Variants in ZSCAN32 observed in about 807,000 individuals in gnomAD.
The protein encoded by ZSCAN32 is zinc finger and SCAN domain-containing protein 32.
In ZSCAN32, 52 loss-of-function variants were observed where a neutral mutation model predicts 47.4. The ratio of observed to expected loss-of-function variants is 1.10; its 90% CI spans 0.88 to 1.38. The LOEUF is 1.38. Among genes scored for constraint, ZSCAN32 ranks in the 40% most tolerant of loss-of-function variants. The pLI is 0.00. For synonymous variants in ZSCAN32, 346 were observed against 305.7 expected (o/e 1.13, Z -1.38); for missense variants, 959 against 846.0 (o/e 1.13, Z -1.66).
In ZSCAN32 at chr16:3,393,653, T is replaced by G; in HGVS notation, c.528A>C (p.Ser176=). The G allele has an allele frequency of 6.5e-7, 1 of 1,546,616 alleles. No individual in the cohort carries two copies. The highest frequency in any genetic ancestry group is 8.7e-7 in the Non-Finnish European group (1 of 1,145,044). Reference sequence around the variant, plus strand: ...AGGACAGAGGCTTCTGCTTACCTTCTGACTGTTCCCCTGGTCTTTGGTGTG... The same window carrying G: ...AGGACAGAGGCTTCTGCTTACCTTCGGACTGTTCCCCTGGTCTTTGGTGTG... ...QSSHQRPGEQ[S]EAWLAPQAPR... Residue 176 remains serine (S), a synonymous_variant, in exon 3 of 7, where the codon TCA becomes TCC. Coordinates refer to ENST00000396852, the MANE Select transcript of ZSCAN32 (RefSeq NM_001284527.2).
Position 3,393,676 on chromosome 16 carries a change from G to A in ZSCAN32, c.505C>T (p.His169Tyr). The A allele has an allele frequency of 1.9e-6, 3 of 1,549,146 alleles. No individual in the cohort carries two copies. The highest frequency in any genetic ancestry group is 4.9e-5 in the East Asian group (2 of 40,878). Residue 169 changes from histidine to tyrosine, a missense_variant, in exon 3 of 7, where the codon CAC becomes TAC. Physicochemically the swap from His to Tyr is moderately conservative, Grantham distance 83 (BLOSUM62 2). Coordinates refer to ENST00000396852, the MANE Select transcript of ZSCAN32 (RefSeq NM_001284527.2). ...EPTFKGSQSS[H>Y]QRPGEQSEAW... is the part of the protein sequence containing the mutation. ...TCTGACTGTTCCCCTGGTCTTTGGT[G>A]TGAGCTCTGTGATCCCTTAAAAGTC... is the stretch of plus-strand genomic sequence containing the variant.
chr16:3,384,264 G>GT, intron 6 of ZSCAN32, 195 bp downstream of exon 6: 4 of 702,504 alleles, frequency 5.7e-6, no homozygotes, highest in African/African-American at 1.8e-5. Flanking sequence ...GAAAGAGGTT[G>GT]GCAAATGCAA....
intron 1 of ZSCAN32, among the ~76,000 whole-genome samples, chr16:3,398,493 C>T (rs751123049): frequency 3.3e-5 from 5 of 152,172 alleles, no homozygotes; most frequent in Non-Finnish European, 5.9e-5. Flanking sequence ...CGGTTCTGTG[C>T]GTATTAAACT....
intron 2 of ZSCAN32, 71 bp downstream of exon 2, chr16:3,397,121 A>C: frequency 6.8e-7 from 1 of 1,461,462 alleles, no homozygotes; most frequent in Non-Finnish European, 9.0e-7. Flanking sequence ...TCAACCAAGC[A>C]CCTCTCCAGT....
intron 5 of ZSCAN32, among the ~76,000 whole-genome samples, chr16:3,385,612 C>T (rs2031881165): frequency 6.6e-6 from 1 of 152,148 alleles, no homozygotes; most frequent in South Asian, 2.1e-4. Context: ...ACCAATGGAA[C>T]AGCACAGAGC....
rs1429794828 is a variant in ZSCAN32, at chr16:3,397,100, CTG to C, written c.366+90_366+91del. On this transcript the variant is annotated intron_variant, in intron 2 of 6. Coordinates refer to ENST00000396852, the MANE Select transcript of ZSCAN32 (RefSeq NM_001284527.2). ...ACCTTCTGTGGGCAGCAGAGGGCTACTGTGTGTTTCTCAACCAAGCACCTCTC... is the reference window on the plus strand; with the variant it reads ...ACCTTCTGTGGGCAGCAGAGGGCTACTGTGTTTCTCAACCAAGCACCTCTC... The C allele has an allele frequency of 4.9e-6, 7 of 1,431,758 alleles. No individual in the cohort carries two copies. In the Admixed American group the frequency reaches 8.4e-5, roughly 17 times the overall value. The allele number at this position is 1,431,758 out of a possible 1,614,324, so 88.7% of individuals were successfully genotyped here.
intron 6 of ZSCAN32, 115 bp downstream of exon 6, chr16:3,384,344 A>C: frequency 7.0e-7 from 1 of 1,420,586 alleles, no homozygotes; most frequent in Non-Finnish European, 9.6e-7. Flanking sequence ...ATAGGGTCAC[A>C]CATCAAGATG....
rs914587080 is a variant in ZSCAN32 at position 3,384,715 on chromosome 16, A to G, written c.978T>C (p.Pro326=). ...TTTCCTCATAAAAGATACAAGGCTC[A>G]GGCACACGGCCTCTCCTCACTTTGC... ...SYRKVRRGRV[P]EPCIFYEEMN... The change falls in exon 6 of 7, where the codon CCT becomes CCC. Residue 326 remains proline, a synonymous_variant. Transcript: ENST00000396852. 3.5e-5 allele frequency: 57 copies of G among 1,614,110 alleles called. No individual in the cohort carries two copies. Among genetic ancestry groups the G allele is most frequent in the Non-Finnish European group, 4.7e-5 (56 of 1,180,052 alleles).
intron 3 of ZSCAN32, among the ~76,000 whole-genome samples, chr16:3,391,657 C>T (rs1032652664): frequency 3.5e-5 from 5 of 143,178 alleles, no homozygotes; most frequent in Admixed American, 2.2e-4. Context: ...CCAGCCTGGG[C>T]GACAAGAGTG....
rs1214130654 is a variant in ZSCAN32 at position 3,383,218 on chromosome 16, G to A, written c.1728C>T (p.Pro576=). The A allele has an allele frequency of 6.2e-7, 1 of 1,614,100 alleles. No individual in the cohort carries two copies. The highest frequency in any genetic ancestry group is 1.1e-5 in the South Asian group (1 of 91,074). ...TTTTCCCACATTGCCCACACTGATA[G>A]GGCCTCTCCCCTGTGTGAGTTCGTA... The part of the protein sequence containing the change: ...AHLRTHTGER[P]YQCGQCGKSF... The change falls in exon 7 of 7, where the codon CCC becomes CCT. Residue 576 remains proline, a synonymous_variant. Transcript: ENST00000396852.
At chr16:3,395,382 C>T (rs192796613) in intron 2 of ZSCAN32, among the ~76,000 whole-genome samples, 1 of 152,260 alleles carries the variant, frequency 6.6e-6, no homozygotes, top group Admixed American at 6.5e-5. Flanking sequence ...GGGAAGGACC[C>T]GGTGGACGTA....
chr16:3,386,037 T>C lies in ZSCAN32; in HGVS notation c.752-1096A>G, dbSNP rs62031782. ...ACAGAATGGGAGAAAATTTTTGCAA[T>C]CTACTCATCTGACAAAGGGCTAATA... On this transcript the variant is annotated intron_variant, in intron 5 of 6. Transcript: ENST00000396852. 3.9e-5 allele frequency among the ~76,000 whole-genome samples: 6 copies of C among 152,108 alleles called. No homozygotes were observed. In the East Asian group the frequency reaches 9.6e-4, roughly 24 times the overall value.
chr16:3,386,109 C>T (rs2031950961), intron 5 of ZSCAN32, among the ~76,000 whole-genome samples: 1 of 152,016 alleles, frequency 6.6e-6, no homozygotes, highest in Admixed American at 6.6e-5. Flanking sequence ...AAAAAAACAA[C>T]CCCATCAAAA....
intron 6 of ZSCAN32, 184 bp downstream of exon 6, chr16:3,384,275 A>T: frequency 6.3e-6 from 5 of 794,504 alleles, no homozygotes; most frequent in Admixed American, 2.9e-5. Context: ...GCAAATGCAA[A>T]ATCAGGGCTG....
At chr16:3,393,567 G>C (rs1476459980) in intron 3 of ZSCAN32, 82 bp downstream of exon 3, 22 of 1,347,918 alleles carry the variant, frequency 1.6e-5, no homozygotes, top group Non-Finnish European at 2.2e-5. Context: ...TGGAACCCTT[G>C]GGTGGACTCA....
intron 2 of ZSCAN32, among the ~76,000 whole-genome samples, chr16:3,394,892 TCTC>T (rs1283214402): frequency 1.3e-5 from 2 of 152,116 alleles, no homozygotes; most frequent in South Asian, 2.1e-4. Flanking sequence ...ACTGGTTCCT[TCTC>T]CTCCTTCAGT....
At chr16:3,399,049 C>T (rs375069962) in intron 1 of ZSCAN32, among the ~76,000 whole-genome samples, 8 of 152,080 alleles carry the variant, frequency 5.3e-5, no homozygotes, top group African/African-American at 1.7e-4. Context: ...GATGAAACTC[C>T]GTCTCTACTA....
rs1234597706 is a variant in ZSCAN32 at position 3,384,128 on chromosome 16, C to T, written c.1234+331G>A. The T allele has an allele frequency of 3.4e-5, 18 of 532,602 alleles. No individual in the cohort carries two copies. The East Asian group carries it at 4.4e-4, about 13-fold the overall frequency. The allele number at this position is 532,602 out of a possible 1,614,324, so 33.0% of individuals were successfully genotyped here. The stretch of plus-strand genomic sequence containing the variant: ...GTGCTAAGTACCCAGCCAGCATAGG[C>T]TCAGGCTGTGAAAGGCAAGGCCATG... On this transcript the variant is annotated intron_variant, in intron 6 of 6. Coordinates refer to ENST00000396852, the MANE Select transcript of ZSCAN32 (RefSeq NM_001284527.2).
Position 3,397,200 on chromosome 16 carries a change from C to T in ZSCAN32, c.358G>A (p.Gly120Arg). Residue 120 changes from glycine to arginine, a missense_variant, in exon 2 of 7, where the codon GGA becomes AGA. By Grantham distance (125) the Gly-to-Arg change is moderately radical. Coordinates refer to ENST00000396852, the MANE Select transcript of ZSCAN32 (RefSeq NM_001284527.2). Reference protein sequence around the residue: ...ALVEDVQRAPGQQVLDSEKDL... With the variant: ...ALVEDVQRAPRQQVLDSEKDL... The stretch of plus-strand genomic sequence containing the variant: ...CGACTTCCTTTTCTCACCTGTTGTC[C>T]AGGAGCTCTCTGTACATCCTCAACC... 6.6e-7 allele frequency: 1 copy of T among 1,525,530 alleles called. No homozygotes were observed. The highest frequency in any genetic ancestry group is 8.8e-7 in the Non-Finnish European group (1 of 1,135,076). 94.5% of individuals were successfully genotyped at this position (1,525,530 alleles called of 1,614,324 possible).
Sources: allele counts gnomAD v4.1 joint callset (sites outside exome capture counted in the v4.1 genomes callset), GRCh38; gene constraint gnomAD v4.1.1; transcripts MANE v1.5; gene names NCBI Gene and HGNC (gene_info 2026-07-23, HGNC 2026-07-21).